The following CCDC73 variants were observed in gnomAD, a reference collection of about 807,000 sequenced individuals.
CCDC73 encodes the protein coiled-coil domain-containing protein 73.
CCDC73 carries 95 observed loss-of-function variants against 116.5 expected under a neutral mutation model. The ratio of observed to expected loss-of-function variants is 0.82; its 90% CI spans 0.69 to 0.97. The LOEUF (loss-of-function observed/expected upper bound fraction) is 0.97. Ranked by LOEUF, CCDC73 falls within the 50% of genes least tolerant of loss-of-function variation. CCDC73 has a pLI of 0.00. For synonymous variants in CCDC73, 398 were observed against 401.3 expected (o/e 0.99, Z 0.10); for missense variants, 1,066 against 1,206.8 (o/e 0.88, Z 1.73).
chr11:32,709,838 C>T (rs769221577), intron 3 of CCDC73, among the ~76,000 whole-genome samples: 2 of 152,180 alleles, frequency 1.3e-5, no homozygotes, highest in Non-Finnish European at 2.9e-5. Context: ...TGGTCCTAGA[C>T]ATTTTTTGTT....
At chr11:32,742,824 A>G (rs186359066) in intron 2 of CCDC73, among the ~76,000 whole-genome samples, 19 of 152,098 alleles carry the variant, frequency 1.2e-4, no homozygotes, top group African/African-American at 4.6e-4. Flanking sequence ...TCTTGAGTTG[A>G]TTTTTGTATA....
chr11:32,771,690 T>C (rs1850493646), intron 1 of CCDC73, among the ~76,000 whole-genome samples: 1 of 152,212 alleles, frequency 6.6e-6, no homozygotes, highest in Non-Finnish European at 1.5e-5. Context: ...GTTGAGATTT[T>C]TGGAAGTCTT....
chr11:32,766,769 T>C (rs1205290243), intron 1 of CCDC73, among the ~76,000 whole-genome samples: 1 of 152,136 alleles, frequency 6.6e-6, no homozygotes, highest in African/African-American at 2.4e-5. Context: ...ACAAGGGACA[T>C]GAAGGACCTC....
chr11:32,768,523 T>C (rs1406581090), intron 1 of CCDC73, among the ~76,000 whole-genome samples: 2 of 152,148 alleles, frequency 1.3e-5, no homozygotes, highest in East Asian at 1.9e-4. Flanking sequence ...AAAAAAGTCT[T>C]ATCCCAGAAA....
chr11:32,736,129 G>C lies in CCDC73; in HGVS notation c.136-17982C>G, dbSNP rs544070242. On this transcript the variant is annotated intron_variant, in intron 2 of 17. Transcript: ENST00000335185. ...GGACTTCATGTCTAAAACACCAAAA[G>C]CAATGGCAACAAAAGCCAACATTGA... 2.2e-4 allele frequency among the ~76,000 whole-genome samples: 34 copies of C among 152,190 alleles called. No homozygotes were observed. The South Asian group carries it at 6.0e-3, about 27-fold the overall frequency.
At chr11:32,825,704 C>T in the CCDC73 span, among the ~76,000 whole-genome samples, 1 of 152,144 alleles carries the variant, frequency 6.6e-6, no homozygotes. Context: ...TATAGTTTTG[C>T]AACTGATGCC....
At chr11:32,789,255 G>T (rs1850654062) in intron 1 of CCDC73, among the ~76,000 whole-genome samples, 1 of 152,184 alleles carries the variant, frequency 6.6e-6, no homozygotes, top group African/African-American at 2.4e-5. Flanking sequence ...AGGATAAGGT[G>T]AAAGGGCCAC....
chr11:32,648,732 G>A (rs1340757346), intron 12 of CCDC73, among the ~76,000 whole-genome samples: 1 of 152,050 alleles, frequency 6.6e-6, no homozygotes, highest in African/African-American at 2.4e-5. Context: ...TGTATTTTTA[G>A]TAGAGGTGGG....
intron 1 of CCDC73, among the ~76,000 whole-genome samples, chr11:32,777,312 C>T (rs1024548118): frequency 6.6e-6 from 1 of 151,810 alleles, no homozygotes; most frequent in African/African-American, 2.4e-5. Flanking sequence ...GCCATGTTGG[C>T]CATGCTGGTC....
At chr11:32,694,598 A>T (rs1235949862) in intron 6 of CCDC73, among the ~76,000 whole-genome samples, 1 of 152,236 alleles carries the variant, frequency 6.6e-6, no homozygotes, top group Non-Finnish European at 1.5e-5. Context: ...GTATAATTAA[A>T]AAAACAATTA....
chr11:32,724,421 T>C (rs1043230194), intron 2 of CCDC73, among the ~76,000 whole-genome samples: 1 of 152,212 alleles, frequency 6.6e-6, no homozygotes, highest in African/African-American at 2.4e-5. Flanking sequence ...AAATTTTCAA[T>C]TCTCTTAAGG....
At chr11:32,686,219 A>AC (rs918869790) in intron 6 of CCDC73, among the ~76,000 whole-genome samples, 1 of 150,756 alleles carries the variant, frequency 6.6e-6, no homozygotes. Context: ...CAAAAAAAAA[A>AC]AAAAAAAAAA....
rs1225639468 is a variant in CCDC73, at chr11:32,663,773, T to A, written c.646-8801A>T. 2.0e-5 allele frequency among the ~76,000 whole-genome samples: 3 copies of A among 152,338 alleles called. No homozygotes were observed. In the East Asian group the frequency reaches 5.8e-4, roughly 29 times the overall value. Reference sequence around the variant, plus strand: ...GTCTTGTGCCAGTTTTCAAAGGGAATGCTTCGAGTTTTTGCCCATTCAGTA... The same window carrying A: ...GTCTTGTGCCAGTTTTCAAAGGGAAAGCTTCGAGTTTTTGCCCATTCAGTA... On this transcript the variant is annotated intron_variant, in intron 9 of 17. Transcript: ENST00000335185.
At chr11:32,701,260 C>T in intron 4 of CCDC73, among the ~76,000 whole-genome samples, 1 of 152,102 alleles carries the variant, frequency 6.6e-6, no homozygotes, top group East Asian at 1.9e-4. Context: ...ATTTTGCCAT[C>T]CACTCCTAAA....
At chr11:32,790,941 A>G (rs575640247) in intron 1 of CCDC73, among the ~76,000 whole-genome samples, 11 of 152,316 alleles carry the variant, frequency 7.2e-5, no homozygotes, top group Admixed American at 3.3e-4. Context: ...TTTATAAAAC[A>G]CAACTTTTAA....
At chr11:32,780,787 AT>A (rs1359929354) in intron 1 of CCDC73, among the ~76,000 whole-genome samples, 2 of 152,210 alleles carry the variant, frequency 1.3e-5, no homozygotes, top group African/African-American at 4.8e-5. Flanking sequence ...TACCATTTTC[AT>A]TTCTAAATGA....
chr11:32,631,572 C>CAGGAAAGGA (rs201669330), intron 14 of CCDC73, among the ~76,000 whole-genome samples: 71 of 143,820 alleles, frequency 4.9e-4, no homozygotes, highest in South Asian at 2.7e-3. Context: ...GAAACCTCAT[C>CAGGAAAGGA]AGGAAAGGAA....
chr11:32,796,316 G>A (rs905450913), upstream of CCDC73, among the ~76,000 whole-genome samples: 4 of 152,182 alleles, frequency 2.6e-5, no homozygotes, highest in Admixed American at 2.0e-4. Context: ...TCATATGAAT[G>A]AATAAATGGA....
chr11:32,646,343 C>T (rs1855778854), intron 12 of CCDC73, among the ~76,000 whole-genome samples: 1 of 152,108 alleles, frequency 6.6e-6, no homozygotes, highest in Non-Finnish European at 1.5e-5. Flanking sequence ...AGTTTCCTGT[C>T]TTGGTTTACT....
Sources: gnomAD v4.1 joint callset for allele counts (sites outside exome capture counted in the v4.1 genomes callset) on GRCh38, gnomAD v4.1.1 for gene constraint, MANE v1.5 for transcripts, NCBI Gene and HGNC (gene_info 2026-07-23, HGNC 2026-07-21) for gene names.